VPS39: variants seen among roughly 807,000 people sequenced by gnomAD.
VPS39 encodes the protein VPS39 subunit of HOPS complex.
VPS39 carries 70 observed loss-of-function variants against 121.0 expected under a neutral mutation model. That is an observed-to-expected ratio of 0.58 (90% CI 0.48 to 0.71). VPS39 has a LOEUF of 0.71. Among genes scored for constraint, VPS39 ranks in the 30% least tolerant of loss-of-function variants. The probability of loss-of-function intolerance (pLI) is 0.00; values close to 1 mark genes in which losing one functional copy is unlikely to be tolerated. For synonymous variants in VPS39, 378 were observed against 398.1 expected (o/e 0.95, Z 0.60); for missense variants, 818 against 1,051.5 (o/e 0.78, Z 3.07).
chr15:42,163,095 A>G (rs937520347), intron 21 of VPS39, among the ~76,000 whole-genome samples: 1 of 152,208 alleles, frequency 6.6e-6, no homozygotes, highest in Non-Finnish European at 1.5e-5. Flanking sequence ...AGACCTCATA[A>G]TTTATGACAC....
At chr15:42,190,827 G>A (rs1047176331) in intron 4 of VPS39, among the ~76,000 whole-genome samples, 1 of 152,170 alleles carries the variant, frequency 6.6e-6, no homozygotes, top group South Asian at 2.1e-4. Flanking sequence ...CTCAAAGATA[G>A]CAACTATGTC....
intron 21 of VPS39, 41 bp downstream of exon 21, chr15:42,163,309 A>T: frequency 6.2e-7 from 1 of 1,612,464 alleles, no homozygotes; most frequent in South Asian, 1.1e-5. Context: ...CAACGGGGAG[A>T]GGTATGCACA....
intron 24 of VPS39, 150 bp from the exon 25 acceptor site, chr15:42,160,979 T>C (rs905147915): frequency 1.5e-6 from 1 of 688,040 alleles, no homozygotes; most frequent in Non-Finnish European, 2.6e-6. Flanking sequence ...CCTGAGGGGC[T>C]CTGGATTTCT....
intron 2 of VPS39, among the ~76,000 whole-genome samples, chr15:42,197,134 T>A (rs1381777781): frequency 1.5e-5 from 2 of 130,252 alleles, no homozygotes; most frequent in Non-Finnish European, 3.1e-5. Flanking sequence ...ATGAGAACAC[T>A]TGGACACAGG....
chr15:42,181,656 A>G (rs1225281267), intron 8 of VPS39, among the ~76,000 whole-genome samples: 1 of 152,172 alleles, frequency 6.6e-6, no homozygotes, highest in Non-Finnish European at 1.5e-5. Context: ...TTCAAAATAT[A>G]TATTCATAAA....
chr15:42,203,448 T>C (rs1284396600), intron 1 of VPS39, among the ~76,000 whole-genome samples: 1 of 149,542 alleles, frequency 6.7e-6, no homozygotes, highest in African/African-American at 2.5e-5. Context: ...CACTCCAGCC[T>C]GGGTGACGGG....
intron 5 of VPS39, 94 bp downstream of exon 5, chr15:42,189,020 T>C: frequency 1.1e-6 from 1 of 885,920 alleles, no homozygotes; most frequent in Non-Finnish European, 1.9e-6. Context: ...GTATGGATCA[T>C]CAGTGTCATT....
chr15:42,169,932 G>A, intron 11 of VPS39, 66 bp from the exon 12 acceptor site: 9 of 1,473,518 alleles, frequency 6.1e-6, no homozygotes, highest in South Asian at 5.8e-5. Context: ...AAATAAAACA[G>A]GACTATTACT....
In VPS39 at chr15:42,160,763, A is replaced by G. The variant is rs113183884; in HGVS notation, c.2619T>C (p.Ala873=). ...HYFCSKEVNP[A]DT ...CCCCAGGATGCTGGGCTCAAGTGTC[A>G]GCTGGGTTTACCTCTTTGGAACAGA... The change falls in exon 25 of 25, where the codon GCT becomes GCC. Residue 873 remains alanine (A), a synonymous_variant. Transcript: ENST00000318006. 4.8e-4 allele frequency: 782 copies of G among 1,614,146 alleles called. 1 individual carries two copies. The highest frequency in any genetic ancestry group is 4.8e-3 in the African/African-American group (360 of 75,042).
At position 42,184,563 on chromosome 15, in the gene VPS39, G is replaced by A; in HGVS notation, c.672C>T (p.Cys224=). The change falls in exon 8 of 25, where the codon TGC becomes TGT. Residue 224 remains cysteine (C), a synonymous_variant. Transcript: ENST00000318006. The part of the protein sequence containing the change: ...LTVVLNEEGI[C]TQKCALNWTD... Reference sequence around the variant, plus strand: ...TCCAGTTCAGGGCACATTTCTGTGTGCAGATCCCTTCCTCATTGAGTACCA... The same window carrying A: ...TCCAGTTCAGGGCACATTTCTGTGTACAGATCCCTTCCTCATTGAGTACCA... The A allele has an allele frequency of 6.2e-7, 1 of 1,613,958 alleles. No individual in the cohort carries two copies. Among genetic ancestry groups the A allele is most frequent in the African/African-American group, 1.3e-5 (1 of 75,036 alleles).
At chr15:42,175,468 C>T (rs1679009) in intron 10 of VPS39, among the ~76,000 whole-genome samples, 46,797 of 151,644 alleles carry the variant, frequency 0.31, 11,049 homozygotes, top group African/African-American at 0.64. Flanking sequence ...CTGGCACGGT[C>T]GGGAAAGGTC....
chr15:42,165,269 AG>A (rs1448657694), intron 17 of VPS39, 156 bp from the exon 18 acceptor site: 7 of 672,246 alleles, frequency 1.0e-5, no homozygotes, highest in South Asian at 7.6e-5. Context: ...TAAAGCCACC[AG>A]GAAGTTTCAC....
At chr15:42,199,735 G>A in intron 2 of VPS39, 161 bp downstream of exon 2, 2 of 686,066 alleles carry the variant, frequency 2.9e-6, no homozygotes, top group South Asian at 2.2e-5. Flanking sequence ...ACAATTTGGA[G>A]GAGAAAAACC....
chr15:42,186,084 C>A (rs1227341674), intron 7 of VPS39, among the ~76,000 whole-genome samples: 2 of 152,102 alleles, frequency 1.3e-5, no homozygotes, highest in East Asian at 3.9e-4. Flanking sequence ...GAGTCTGCAA[C>A]TCTGATGCTG....
At chr15:42,205,913 G>T (rs2050161505) in intron 1 of VPS39, among the ~76,000 whole-genome samples, 1 of 152,192 alleles carries the variant, frequency 6.6e-6, no homozygotes, top group African/African-American at 2.4e-5. Context: ...GTGTAAAACA[G>T]AATGAAAGAA....
chr15:42,178,178 GAAC>G, intron 10 of VPS39, 37 bp downstream of exon 10: 1 of 1,610,008 alleles, frequency 6.2e-7, no homozygotes, highest in Non-Finnish European at 8.5e-7. Context: ...CTACTTTCAA[GAAC>G]AATAAGGAAG....
rs562278407 is a variant in VPS39 at position 42,165,038 on chromosome 15, C to T, written c.1855G>A (p.Val619Met). 3.1e-4 allele frequency: 507 copies of T among 1,614,244 alleles called. 2 individuals are homozygous for T. The South Asian group carries it at 4.1e-3, about 13-fold the overall frequency. The change falls in exon 18 of 25, where the codon GTG becomes ATG. Residue 619 changes from valine to methionine, a missense_variant. Val to Met is a conservative substitution (Grantham distance 21, BLOSUM62 1). Coordinates refer to ENST00000318006, the MANE Select transcript of VPS39 (RefSeq NM_015289.5). ...AGATACTCCTTCATCAGACCTTGCA[C>T]CTTCTCACAGTATAGCTGGATCAGG... ...NCLIQLYCEKVQGLMKEYLLS... is the reference protein window; with the variant it reads ...NCLIQLYCEKMQGLMKEYLLS...
chr15:42,174,332 G>A (rs2049406557), intron 10 of VPS39, among the ~76,000 whole-genome samples: 1 of 152,186 alleles, frequency 6.6e-6, no homozygotes, highest in African/African-American at 2.4e-5. Flanking sequence ...CTAACTGTAA[G>A]ACTGCTAAGT....
In VPS39 at chr15:42,187,779, G is replaced by A. The variant is rs374600923; in HGVS notation, c.420C>T (p.Asp140=). 6.2e-7 allele frequency: 1 copy of A among 1,614,150 alleles called. No individual in the cohort carries two copies. The highest frequency in any genetic ancestry group is 8.5e-7 in the Non-Finnish European group (1 of 1,180,024). Residue 140 remains aspartate (D), a synonymous_variant, in exon 6 of 25, where the codon GAC becomes GAT. Coordinates refer to ENST00000318006, the MANE Select transcript of VPS39 (RefSeq NM_015289.5). ...KKKLQLYFWK[D]REFHELQGDF... ...TTACCTGCAATTCATGAAATTCCCT[G>A]TCCTTCCAGAAATAGAGCTGCAGCT...
Sources: gnomAD v4.1 joint callset for allele counts (sites outside exome capture counted in the v4.1 genomes callset) on GRCh38, gnomAD v4.1.1 for gene constraint, MANE v1.5 for transcripts, NCBI Gene and HGNC (gene_info 2026-07-23, HGNC 2026-07-21) for gene names.